The following TULP4 variants were observed in gnomAD, a reference collection of about 807,000 sequenced individuals.
The protein encoded by TULP4 is TUB like protein 4.
In TULP4, 16 loss-of-function variants were observed where a neutral mutation model predicts 129.0. The observed-to-expected ratio is 0.12, with a 90% CI of 0.08 to 0.19. The LOEUF (loss-of-function observed/expected upper bound fraction) is 0.19, where lower values mean the gene tolerates loss of function less well. TULP4 is among the 10% of genes least tolerant of loss of function. The pLI is 1.00. For synonymous variants in TULP4, 998 were observed against 854.0 expected (o/e 1.17, Z -2.94); for missense variants, 1,842 against 2,059.1 (o/e 0.89, Z 2.04).
At chr6:158,454,026 C>CG (rs1431112068) in intron 5 of TULP4, among the ~76,000 whole-genome samples, 4 of 148,412 alleles carry the variant, frequency 2.7e-5, no homozygotes, top group Non-Finnish European at 3.0e-5. Flanking sequence ...GCACCGCCCC[C>CG]CCCCAAGTAA....
At chr6:158,256,669 G>A (rs1012607047) in intron 1 of TULP4, among the ~76,000 whole-genome samples, 26 of 152,198 alleles carry the variant, frequency 1.7e-4, no homozygotes, top group African/African-American at 6.0e-4. Context: ...CTGGATTACA[G>A]CCCAGTGTAA....
intron 1 of TULP4, among the ~76,000 whole-genome samples, chr6:158,261,775 C>A (rs1778356679): frequency 6.6e-6 from 1 of 152,082 alleles, no homozygotes; most frequent in Admixed American, 6.5e-5. Context: ...TTCCAGGATT[C>A]CTCCGCCTTT....
intron 3 of TULP4, among the ~76,000 whole-genome samples, chr6:158,435,806 C>T (rs1487700825): frequency 6.6e-6 from 1 of 152,152 alleles, no homozygotes; most frequent in Non-Finnish European, 1.5e-5. Context: ...TCCCCCCTGC[C>T]TCTCCTCCCT....
intron 1 of TULP4, among the ~76,000 whole-genome samples, chr6:158,374,069 C>T (rs754327238): frequency 2.2e-4 from 34 of 152,002 alleles, no homozygotes; most frequent in South Asian, 4.2e-4. Flanking sequence ...TTAATAGTGC[C>T]GTTAGGATAC....
intron 1 of TULP4, among the ~76,000 whole-genome samples, chr6:158,240,911 C>T (rs1311300352): frequency 2.8e-4 from 39 of 140,580 alleles, no homozygotes; most frequent in African/African-American, 7.3e-4. Flanking sequence ...CTTCCCAGAT[C>T]GGGTGGCTGC....
intron 1 of TULP4, among the ~76,000 whole-genome samples, chr6:158,285,909 G>A (rs753688459): frequency 3.3e-5 from 5 of 152,124 alleles, no homozygotes; most frequent in African/African-American, 4.8e-5. Context: ...GGCTCTGTTC[G>A]GTTGCTGGCT....
At chr6:158,390,431 C>A (rs1014331012) in intron 1 of TULP4, among the ~76,000 whole-genome samples, 1 of 151,644 alleles carries the variant, frequency 6.6e-6, no homozygotes, top group African/African-American at 2.4e-5. Flanking sequence ...AATTATTCAG[C>A]CATATATTGA....
In TULP4 at chr6:158,503,682, G is replaced by A. The variant is rs563930329; in HGVS notation, c.4019G>A (p.Arg1340His). ...TEKFGKKNRK[R>H]LDSRAEEGSV... ...AAATTTGGAAAGAAGAACCGGAAGC[G>A]CCTGGACAGCCGAGCAGAAGAAGGC... The change falls in exon 13 of 14, where the codon CGC becomes CAC. Residue 1340 changes from arginine (R) to histidine (H), a missense_variant. Physicochemically the swap from Arg to His is conservative, Grantham distance 29. Coordinates refer to ENST00000367097, the MANE Select transcript of TULP4 (RefSeq NM_020245.5). This position sits in a 1 kb window ranked among gnomAD's most constrained non-coding sequence, Gnocchi z 4.3. The A allele has an allele frequency of 4.6e-5, 75 of 1,613,956 alleles. No homozygotes were observed. The highest frequency in any genetic ancestry group is 1.8e-4 in the East Asian group (8 of 44,880).
At chr6:158,240,283 T>C (rs1777852761) in intron 1 of TULP4, among the ~76,000 whole-genome samples, 1 of 68,870 alleles carries the variant, frequency 1.5e-5, no homozygotes, top group African/African-American at 5.0e-5. Flanking sequence ...CACTTCCCAG[T>C]AGGGGTGGCC....
chr6:158,460,646 G>T (rs1462461951), intron 5 of TULP4, among the ~76,000 whole-genome samples: 4 of 152,110 alleles, frequency 2.6e-5, no homozygotes, highest in African/African-American at 9.7e-5. Flanking sequence ...CCCAGCAGGG[G>T]TATTTATTTT....
In TULP4 at chr6:158,373,529, A is replaced by G. The variant is rs567279624; in HGVS notation, c.253-39536A>G. ...GCACTTGGACCAGAATTGAAAAACA[A>G]TTTGTTCAGTTCCACTTACAAACTA... is the stretch of plus-strand genomic sequence containing the variant. On this transcript the variant is annotated intron_variant, in intron 1 of 13. Coordinates refer to ENST00000367097, the MANE Select transcript of TULP4 (RefSeq NM_020245.5). 1.8e-4 allele frequency among the ~76,000 whole-genome samples: 27 copies of G among 152,330 alleles called. No individual in the cohort carries two copies. In the South Asian group the frequency reaches 5.6e-3, roughly 32 times the overall value.
At chr6:158,443,492 G>A (rs1415093026) in intron 3 of TULP4, among the ~76,000 whole-genome samples, 2 of 152,168 alleles carry the variant, frequency 1.3e-5, no homozygotes. Flanking sequence ...GTATGTCTTA[G>A]AAGGGTGAAT....
At chr6:158,391,968 A>G (rs893262474) in intron 1 of TULP4, among the ~76,000 whole-genome samples, 11 of 152,184 alleles carry the variant, frequency 7.2e-5, no homozygotes, top group Non-Finnish European at 1.2e-4. Context: ...AAATGTTATG[A>G]AGTATATTAG....
intron 1 of TULP4, among the ~76,000 whole-genome samples, chr6:158,288,548 C>G (rs1055928823): frequency 6.6e-6 from 1 of 151,700 alleles, no homozygotes; most frequent in South Asian, 2.1e-4. Flanking sequence ...TCGCCCAGGC[C>G]GGAGTGCAGT....
At chr6:158,318,604 G>A (rs1370268258) in intron 1 of TULP4, among the ~76,000 whole-genome samples, 1 of 152,128 alleles carries the variant, frequency 6.6e-6, no homozygotes, top group Non-Finnish European at 1.5e-5. Flanking sequence ...GAGGAGAACT[G>A]GAATCTAGGG....
intron 3 of TULP4, among the ~76,000 whole-genome samples, chr6:158,441,679 C>A (rs1409122132): frequency 6.6e-6 from 1 of 152,216 alleles, no homozygotes; most frequent in Non-Finnish European, 1.5e-5. Flanking sequence ...GGTCAGGCCT[C>A]TCTGGGCCCT....
At position 158,481,226 on chromosome 6, in the gene TULP4, C is replaced by T. The variant is rs757109055; in HGVS notation, c.1423C>T (p.Arg475Trp). Residue 475 changes from arginine to tryptophan, a missense_variant, in exon 8 of 14, where the codon CGG becomes TGG. By Grantham distance (101) the Arg-to-Trp change is moderately radical (BLOSUM62 -3). Transcript: ENST00000367097. ...LGGLVPILKG[R>W]RISKLRPEFV... ...CGGGCTTGTGCCCATCCTCAAAGGG[C>T]GGCGCATCAGCAAGCTGCGGCCAGA... 4 of 1,614,114 alleles carry T rather than the reference C, an allele frequency of 2.5e-6. No individual in the cohort carries two copies. Among genetic ancestry groups the T allele is most frequent in the African/African-American group, 1.3e-5 (1 of 74,934 alleles).
chr6:158,406,947 G>A (rs996965085), intron 1 of TULP4, among the ~76,000 whole-genome samples: 24 of 152,294 alleles, frequency 1.6e-4, no homozygotes, highest in Middle Eastern at 3.4e-3. Flanking sequence ...GAGGCACGGC[G>A]GTCCCCAGAT....
intron 1 of TULP4, among the ~76,000 whole-genome samples, chr6:158,285,146 C>CA (rs539145166): frequency 1.1e-4 from 17 of 152,242 alleles, no homozygotes; most frequent in Admixed American, 1.1e-3. Flanking sequence ...CCCTTCCTAA[C>CA]AGATTGTGAA....
Sources: allele counts gnomAD v4.1 joint callset (sites outside exome capture counted in the v4.1 genomes callset), GRCh38; gene constraint gnomAD v4.1.1; non-coding constraint Gnocchi (gnomAD v3.1); transcripts MANE v1.5; gene names NCBI Gene and HGNC (gene_info 2026-07-23, HGNC 2026-07-21).